NAV1: variants seen among roughly 807,000 people sequenced by gnomAD.
The protein encoded by NAV1 is neuron navigator 1.
In NAV1, 18 loss-of-function variants were observed where a neutral mutation model predicts 175.2. That is an observed-to-expected ratio of 0.10 (90% confidence interval 0.07 to 0.15). The LOEUF (loss-of-function observed/expected upper bound fraction) is 0.15, where lower values mean the gene tolerates loss of function less well. Among genes scored for constraint, NAV1 ranks in the 10% least tolerant of loss-of-function variants. The pLI is 1.00. For synonymous variants in NAV1, 897 were observed against 978.7 expected (o/e 0.92, Z 1.56); for missense variants, 1,731 against 2,436.6 (o/e 0.71, Z 6.10).
At chr1:201,580,249 G>A (rs1666811408) in intron 1 of NAV1, among the ~76,000 whole-genome samples, 1 of 152,142 alleles carries the variant, frequency 6.6e-6, no homozygotes, top group African/African-American at 2.4e-5. Flanking sequence ...ATCTCTTCTG[G>A]AAACACCATC....
intron 3 of NAV1, among the ~76,000 whole-genome samples, chr1:201,761,396 G>T (rs746991569): frequency 3.3e-5 from 5 of 152,164 alleles, no homozygotes; most frequent in African/African-American, 4.8e-5. Flanking sequence ...CCAGATCAGC[G>T]TTTCACACCA....
At chr1:201,575,444 A>G (rs1666667176) in intron 1 of NAV1, among the ~76,000 whole-genome samples, 2 of 152,160 alleles carry the variant, frequency 1.3e-5, no homozygotes, top group African/African-American at 2.4e-5. Flanking sequence ...ATTGACATCT[A>G]TCTTTGGGAA....
intron 1 of NAV1, among the ~76,000 whole-genome samples, chr1:201,684,966 A>C (rs1670622321): frequency 6.6e-6 from 1 of 150,548 alleles, no homozygotes; most frequent in African/African-American, 2.4e-5. Context: ...TGTCTCAAAA[A>C]AAAAAAAAAA....
chr1:201,615,694 C>G lies in NAV1; in HGVS notation c.-32-7159C>G, dbSNP rs150133763. Among the ~76,000 whole-genome samples, 626 of 152,312 alleles carry G rather than the reference C, an allele frequency of 4.1e-3. 5 individuals are homozygous for G. Among genetic ancestry groups the G allele is most frequent in the African/African-American group, 0.014 (565 of 41,568 alleles). ...AGATGCGGACTCTGGGCTCAGAAAA[C>G]TTAACTTTTCTAAAGCCACATAGCA... On this transcript the variant is annotated intron_variant, in intron 2 of 33. Coordinates refer to the NAV1 transcript ENST00000685211.
exon 14 of NAV1, chr1:201,793,840 C>T (rs1322942489): frequency 6.2e-6 from 10 of 1,607,502 alleles, no homozygotes; most frequent in Non-Finnish European, 8.5e-6. Context: ...TATGACATCC[C>T]GCCTGCGACA....
chr1:201,579,730 T>C (rs1332909568), intron 1 of NAV1, among the ~76,000 whole-genome samples: 6 of 152,308 alleles, frequency 3.9e-5, no homozygotes, highest in African/African-American at 1.4e-4. Flanking sequence ...GGGTTTTTAG[T>C]TGTAAGTACA....
intron 10 of NAV1, among the ~76,000 whole-genome samples, chr1:201,789,250 T>G (rs192732110): frequency 1.6e-4 from 24 of 152,298 alleles, no homozygotes; most frequent in Non-Finnish European, 3.2e-4. Flanking sequence ...TAGGTTCTAC[T>G]GAATAATCAG....
intron 16 of NAV1, 48 bp downstream of exon 20, chr1:201,803,762 C>T (rs547392333): frequency 4.8e-5 from 77 of 1,592,842 alleles, no homozygotes; most frequent in Admixed American, 1.4e-4. Context: ...CGTGGTGGAC[C>T]GCCTTCACCT....
chr1:201,584,634 C>T (rs1385356018), intron 1 of NAV1, among the ~76,000 whole-genome samples: 4 of 152,226 alleles, frequency 2.6e-5, no homozygotes, highest in Non-Finnish European at 4.4e-5. Context: ...GCAGAGCCCA[C>T]GGCAGCCTTA....
At chr1:201,636,501 A>C (rs1168108220) in intron 2 of NAV1, among the ~76,000 whole-genome samples, 1 of 152,238 alleles carries the variant, frequency 6.6e-6, no homozygotes, top group Non-Finnish European at 1.5e-5. Context: ...CGGAAGGAAT[A>C]AAAAACTTGC....
chr1:201,551,221 A>C (rs1665843668), intron 1 of NAV1, among the ~76,000 whole-genome samples: 1 of 151,792 alleles, frequency 6.6e-6, no homozygotes, highest in Admixed American at 6.6e-5. Flanking sequence ...GGGCCAGTGG[A>C]CTGGTGTCTT....
rs1678617698 is a variant in NAV1, at chr1:201,810,479, C to T, written c.4562-44C>T. The T allele has an allele frequency of 1.3e-6, 2 of 1,546,832 alleles. No homozygotes were observed. The highest frequency in any genetic ancestry group is 1.2e-5 in the South Asian group (1 of 84,728). On this transcript the variant is annotated intron_variant, in intron 23 of 29. Coordinates refer to ENST00000367296, the Ensembl canonical transcript of NAV1. This position sits in a 1 kb window ranked among gnomAD's most constrained non-coding sequence, Gnocchi z 6.0. ...GCCCTTTAGGATCCCTTGCTATCCT[C>T]AAGACCCTGGTCAATACTCATGCTT...
intron 3 of NAV1, among the ~76,000 whole-genome samples, chr1:201,767,753 A>C (rs2102657808): frequency 6.6e-6 from 1 of 152,308 alleles, no homozygotes; most frequent in South Asian, 2.1e-4. Flanking sequence ...CAGAGATGGA[A>C]CATCACTTGC....
At chr1:201,570,706 CTCCCT>C (rs1319222681) in intron 1 of NAV1, among the ~76,000 whole-genome samples, 4 of 152,214 alleles carry the variant, frequency 2.6e-5, no homozygotes, top group African/African-American at 9.6e-5. Flanking sequence ...AGCAGGCAGT[CTCCCT>C]TTTCTGCTCA....
intron 3 of NAV1, among the ~76,000 whole-genome samples, chr1:201,728,756 C>T (rs1266508359): frequency 6.6e-6 from 1 of 152,180 alleles, no homozygotes; most frequent in Non-Finnish European, 1.5e-5. Flanking sequence ...TGAGCCACTA[C>T]ACCCAGCCTC....
intron 3 of NAV1, chr1:201,739,442 A>C (rs1186306835): frequency 2.6e-5 from 4 of 152,366 alleles, no homozygotes; most frequent in East Asian, 3.9e-4. Flanking sequence ...ATTTTTAGAA[A>C]TTTCTAAAAG....
intron 2 of NAV1, among the ~76,000 whole-genome samples, chr1:201,636,448 T>G (rs1668621136): frequency 6.6e-6 from 1 of 152,164 alleles, no homozygotes; most frequent in African/African-American, 2.4e-5. Context: ...AGAGATTAAG[T>G]GCTGAGAATT....
chr1:201,558,632 GGTAGAGAC>G (rs1254344489), intron 1 of NAV1, among the ~76,000 whole-genome samples: 1 of 151,954 alleles, frequency 6.6e-6, no homozygotes, highest in Non-Finnish European at 1.5e-5. Context: ...TTGTATTTTT[GGTAGAGAC>G]GGGGTCTCAC....
At chr1:201,781,392 G>T (rs946271630) in intron 5 of NAV1, 83 bp downstream of exon 9, 7 of 1,347,382 alleles carry the variant, frequency 5.2e-6, no homozygotes, top group South Asian at 1.5e-5. Flanking sequence ...TAACCCATAG[G>T]ATGATAGCAA....
Sources: gnomAD v4.1 joint callset for allele counts (sites outside exome capture counted in the v4.1 genomes callset) on GRCh38, gnomAD v4.1.1 for gene constraint, Gnocchi (gnomAD v3.1) non-coding constraint, MANE v1.5 for transcripts, NCBI Gene and HGNC (gene_info 2026-07-23, HGNC 2026-07-21) for gene names.